Variants in EVL observed in about 807,000 individuals in gnomAD.
The protein encoded by EVL is ena/VASP-like protein.
Under a neutral mutation model 59.6 loss-of-function variants are expected in EVL, and 21 were observed. The observed-to-expected ratio is 0.35, with a 90% CI of 0.25 to 0.51. EVL has a LOEUF of 0.51. EVL is among the 20% of genes least tolerant of loss of function. The probability of loss-of-function intolerance (pLI) is 0.97; values close to 1 mark genes in which losing one functional copy is unlikely to be tolerated. For synonymous variants in EVL, 198 were observed against 203.5 expected (o/e 0.97, Z 0.23); for missense variants, 462 against 546.6 (o/e 0.85, Z 1.54).
Position 100,143,770 on chromosome 14 carries a change from C to CAGAGGACAG in EVL, c.*32_*33insAGAGGACAG, listed in dbSNP as rs2140414968. ...GGCCTCGCTGCGCTGATTCGTCGAG[C>CAGAGGACAG]CCATCCGGCGACAGAGGACAGCCAG... On this transcript the variant is annotated 3_prime_UTR_variant, in exon 14 of 14. Transcript: ENST00000392920. The CAGAGGACAG allele has an allele frequency of 6.2e-7, 1 of 1,606,508 alleles. No individual in the cohort carries two copies. The highest frequency in any genetic ancestry group is 1.7e-5 in the Admixed American group (1 of 59,542).
intron 1 of EVL, chr14:100,066,370 G>A (rs1218948262): frequency 6.6e-6 from 1 of 152,236 alleles, no homozygotes; most frequent in African/African-American, 2.4e-5. Flanking sequence ...CTGAAAAGTT[G>A]TGGGGTTTGT....
Position 100,131,427 on chromosome 14 carries a change from C to T in EVL, c.840-1292C>T, listed in dbSNP as rs144017699. On this transcript the variant is annotated intron_variant, in intron 7 of 13. Transcript: ENST00000392920. ...AGTGATGGCTACTGGGTGGAGCCGA[C>T]GATGAAAGTGCCCTTGCCAGGTTTC... is the stretch of plus-strand genomic sequence containing the variant. 3.6e-4 allele frequency among the ~76,000 whole-genome samples: 55 copies of T among 152,324 alleles called. 1 individual carries two copies. The highest frequency in any genetic ancestry group is 2.6e-4 in the Non-Finnish European group (18 of 68,040).
At chr14:99,974,267 ATTTCT>A (rs2060754934) in intron 1 of EVL, 1 of 151,970 alleles carries the variant, frequency 6.6e-6, no homozygotes, top group African/African-American at 2.4e-5. Context: ...TTTGCCATTG[ATTTCT>A]TTTAGCATTT....
rs1159594418 is a variant in EVL, at chr14:100,109,543, G to A, written c.358+11885G>A. The A allele has an allele frequency of 2.1e-6, 1 of 471,522 alleles. No homozygotes were observed. The highest frequency in any genetic ancestry group is 1.5e-5 in the South Asian group (1 of 64,614). The allele number at this position is 471,522 out of a possible 1,614,324, so 29.2% of individuals were successfully genotyped here. A position where few individuals can be genotyped will look rare whatever the true frequency, so the allele number is the denominator to read the frequency against. ...TGGTGACTGAACAAGCTCCCAGCTTGCGCCCATGTCATATTGTGTGCCTCT... is the reference window on the plus strand; with the variant it reads ...TGGTGACTGAACAAGCTCCCAGCTTACGCCCATGTCATATTGTGTGCCTCT... On this transcript the variant is annotated intron_variant, in intron 3 of 13. Transcript: ENST00000392920. The surrounding 1 kb of genome is among the most constrained non-coding windows in gnomAD (Gnocchi z 4.3).
At position 100,141,719 on chromosome 14, in the gene EVL, C is replaced by G. The variant is rs1889179760; in HGVS notation, c.1162-17C>G. 6.2e-7 allele frequency: 1 copy of G among 1,612,534 alleles called. No homozygotes were observed. Among genetic ancestry groups the G allele is most frequent in the African/African-American group, 1.3e-5 (1 of 74,926 alleles). On this transcript the variant is annotated splice_polypyrimidine_tract_variant and intron_variant, in intron 12 of 13. Coordinates refer to ENST00000392920, the MANE Select transcript of EVL (RefSeq NM_016337.3). ...TCCACTGCCTGTCCCTTCACCTGGA[C>G]ACTCCTCTCCCAACAGGAGATCCTA...
chr14:100,041,497 C>T (rs1201102225), intron 1 of EVL, among the ~76,000 whole-genome samples: 2 of 152,180 alleles, frequency 1.3e-5, no homozygotes, highest in Non-Finnish European at 2.9e-5. Context: ...AGGTCTATGC[C>T]GCTTGCTAGT....
intron 3 of EVL, among the ~76,000 whole-genome samples, chr14:100,113,385 T>C (rs1283982154): frequency 6.6e-6 from 1 of 152,178 alleles, no homozygotes; most frequent in African/African-American, 2.4e-5. Flanking sequence ...TTCAAGTCTA[T>C]ATGCTCAGAA....
intron 1 of EVL, among the ~76,000 whole-genome samples, chr14:100,013,476 G>A (rs1439756446): frequency 6.6e-6 from 1 of 152,196 alleles, no homozygotes; most frequent in South Asian, 2.1e-4. Context: ...AGGCTGGTGA[G>A]AATTTGCCCA....
intron 1 of EVL, among the ~76,000 whole-genome samples, chr14:100,013,100 C>T (rs980837164): frequency 1.3e-5 from 2 of 151,936 alleles, no homozygotes; most frequent in East Asian, 3.9e-4. Flanking sequence ...ATTCTAGTTC[C>T]ATCCCCAGGG....
Position 100,066,051 on chromosome 14 carries a change from C to T in EVL, c.11+540C>T, listed in dbSNP as rs115480220. ...TGTGAATACCAGCCAGTCTACAAAC[C>T]GCACTCCTCATTGAGATTGTTCTCT... On this transcript the variant is annotated intron_variant, in intron 1 of 13. Transcript: ENST00000392920. Among the ~76,000 whole-genome samples the T allele has an allele frequency of 4.4e-3, 674 of 152,228 alleles. 6 individuals are homozygous for T. Among genetic ancestry groups the T allele is most frequent in the African/African-American group, 0.015 (617 of 41,524 alleles).
chr14:99,977,798 T>TA (rs1424743778), intron 1 of EVL, among the ~76,000 whole-genome samples: 7 of 151,852 alleles, frequency 4.6e-5, no homozygotes, highest in Non-Finnish European at 2.9e-5. Flanking sequence ...CTTTGGGATC[T>TA]AAAAAAGTCA....
intron 1 of EVL, among the ~76,000 whole-genome samples, chr14:100,043,231 GTATGTGTGTGTGTGTATATATA>G (rs1287139235): frequency 5.3e-5 from 8 of 151,572 alleles, no homozygotes; most frequent in Admixed American, 2.0e-4. Context: ...ATATATATAT[GTATGTGTGTGTGTGTATATATA>G]TATGTGTGTG....
At chr14:100,039,456 C>CA (rs753266231) in intron 1 of EVL, among the ~76,000 whole-genome samples, 75 of 152,278 alleles carry the variant, frequency 4.9e-4, no homozygotes, top group South Asian at 2.5e-3. Flanking sequence ...AGGCTGGTCT[C>CA]AAAGTCCTGA....
chr14:100,058,401 A>G (rs117772523), intron 1 of EVL, among the ~76,000 whole-genome samples: 11 of 152,320 alleles, frequency 7.2e-5, no homozygotes, highest in Non-Finnish European at 1.0e-4. Context: ...GTATTCATCT[A>G]TGCATAGTTA....
At position 100,047,114 on chromosome 14, in the gene EVL, C is replaced by CTTTTTTTTTTTTTTTTTTTTTT. The variant is rs1379774654; in HGVS notation, c.6-37572_6-37571insTTTTTTTTTTTTTTTTTTTTTT. On this transcript the variant is annotated intron_variant, in intron 1 of 13. Transcript: ENST00000402714. The stretch of plus-strand genomic sequence containing the variant: ...ATTTTGAGACCTTGGGCAGATCTCT[C>CTTTTTTTTTTTTTTTTTTTTTT]TCTCTTTTTTTTTTTTTTTTTTTTT... Among the ~76,000 whole-genome samples the CTTTTTTTTTTTTTTTTTTTTTT allele has an allele frequency of 1.2e-3, 117 of 95,102 alleles. 35 individuals are homozygous for CTTTTTTTTTTTTTTTTTTTTTT. In the Middle Eastern group the frequency reaches 0.033, roughly 27 times the overall value. 62.4% of individuals were successfully genotyped at this position (95,102 alleles called of 152,430 possible).
intron 1 of EVL, among the ~76,000 whole-genome samples, chr14:100,083,207 A>C (rs1418285280): frequency 6.6e-6 from 1 of 152,230 alleles, no homozygotes; most frequent in Non-Finnish European, 1.5e-5. Flanking sequence ...CTGAGACAGC[A>C]TCCAGAACAC....
rs182934681 is a variant in EVL, at chr14:100,127,802, G to A, written c.488-717G>A. ...CCTCTTTGTATGCCAACATGGCGCC[G>A]TGTGCCTGCCCTTGGTAACACTTGT... On this transcript the variant is annotated intron_variant, in intron 5 of 13. Coordinates refer to ENST00000392920, the MANE Select transcript of EVL (RefSeq NM_016337.3). The surrounding 1 kb of genome is among the most constrained non-coding windows in gnomAD (Gnocchi z 4.2). Among the ~76,000 whole-genome samples, 53 of 152,196 alleles carry A rather than the reference G, an allele frequency of 3.5e-4. 1 individual carries two copies. The highest frequency in any genetic ancestry group is 1.2e-3 in the African/African-American group (49 of 41,514).
chr14:100,103,613 C>T (rs992141945), intron 3 of EVL, among the ~76,000 whole-genome samples: 3 of 152,276 alleles, frequency 2.0e-5, no homozygotes, highest in Admixed American at 1.3e-4. Context: ...TTCTGTGGCC[C>T]CCCATGCCCA....
intron 1 of EVL, among the ~76,000 whole-genome samples, chr14:100,006,578 C>T (rs775408939): frequency 6.6e-6 from 1 of 151,994 alleles, no homozygotes; most frequent in African/African-American, 2.4e-5. Context: ...TGAGCCACTG[C>T]GCCCGGCATG....
Sources: gnomAD v4.1 joint callset for allele counts (sites outside exome capture counted in the v4.1 genomes callset) on GRCh38, gnomAD v4.1.1 for gene constraint, Gnocchi (gnomAD v3.1) non-coding constraint, MANE v1.5 for transcripts, NCBI Gene and HGNC (gene_info 2026-07-23, HGNC 2026-07-21) for gene names.